Variants in ERFE observed in about 807,000 individuals in gnomAD.
ERFE encodes complement C1q tumor necrosis factor-related protein 15.
In ERFE, 25 loss-of-function variants were observed where a neutral mutation model predicts 26.6. That is an observed-to-expected ratio of 0.94 (90% CI 0.69 to 1.31). The LOEUF (loss-of-function observed/expected upper bound fraction) is 1.31. ERFE is among the 40% of genes most tolerant of loss of function. The probability of loss-of-function intolerance (pLI) is 0.00; values close to 1 mark genes in which losing one functional copy is unlikely to be tolerated. For missense variants in ERFE, 447 were observed against 440.2 expected (o/e 1.02, Z -0.14); for synonymous variants, 206 against 204.5 (o/e 1.01, Z -0.06).
Position 238,167,428 on chromosome 2 carries a change from T to G in ERFE, c.*374T>G. On this transcript the variant is annotated 3_prime_UTR_variant, in exon 8 of 8. Coordinates refer to ENST00000546354, the MANE Select transcript of ERFE (RefSeq NM_001291832.2). ...CCAGCCCCACCTTTTCCACCTCTCT[T>G]CATGTTCTCATGGAGTGCAAAGTGC... 1 of 509,738 alleles carries G rather than the reference T, an allele frequency of 2.0e-6. No homozygotes were observed. The highest frequency in any genetic ancestry group is 1.5e-5 in the South Asian group (1 of 65,064). The allele number at this position is 509,738 out of a possible 1,614,324, so 31.6% of individuals were successfully genotyped here. A position where few individuals can be genotyped will look rare whatever the true frequency, so the allele number is the denominator to read the frequency against.
chr2:238,164,469 T>C, intron 6 of ERFE, 109 bp downstream of exon 6: 2 of 1,100,768 alleles, frequency 1.8e-6, no homozygotes, highest in Non-Finnish European at 1.3e-6. Context: ...CACCCCACCG[T>C]GGCCTAGGTG....
At chr2:238,161,753 G>A in intron 2 of ERFE, 37 bp downstream of exon 2, 3 of 1,514,860 alleles carry the variant, frequency 2.0e-6, no homozygotes, top group East Asian at 2.5e-5. Context: ...GGCCGTGGGG[G>A]GTTCCGCCTC....
Position 238,161,637 on chromosome 2 carries a change from C to A in ERFE, c.242C>A (p.Ala81Asp). The A allele has an allele frequency of 6.5e-7, 1 of 1,547,234 alleles. No homozygotes were observed. The highest frequency in any genetic ancestry group is 8.7e-7 in the Non-Finnish European group (1 of 1,144,286). ...GCACACAGCGTCGACCCCCGGGACGCCTGGATGCTCTTCGTCAGGCAGAGT... is the reference window on the plus strand; with the variant it reads ...GCACACAGCGTCGACCCCCGGGACGACTGGATGCTCTTCGTCAGGCAGAGT... Reference protein sequence around the residue: ...ERAHSVDPRDAWMLFVRQSDK... With the variant: ...ERAHSVDPRDDWMLFVRQSDK... The change falls in exon 2 of 8, where the codon GCC (alanine) becomes GAC (aspartate). Residue 81 changes from alanine (A) to aspartate (D), a missense_variant. Coordinates refer to ENST00000546354, the MANE Select transcript of ERFE (RefSeq NM_001291832.2).
rs1490167925 is a variant in ERFE at position 238,168,088 on chromosome 2, G to A, written c.*1034G>A. On this transcript the variant is annotated 3_prime_UTR_variant, in exon 8 of 8. Coordinates refer to ENST00000546354, the MANE Select transcript of ERFE (RefSeq NM_001291832.2). ...CATGCGGCGCTGACATTGGACAGGT[G>A]GTGGACGAGAGATGGTCCCGAGAAA... 1.4e-5 allele frequency: 3 copies of A among 220,764 alleles called. No individual in the cohort carries two copies. Among genetic ancestry groups the A allele is most frequent in the East Asian group, 1.2e-4 (1 of 8,206 alleles). The allele number at this position is 220,764 out of a possible 1,614,324, so 13.7% of individuals were successfully genotyped here.
chr2:238,163,848 A>G lies in ERFE; in HGVS notation c.536A>G (p.Asp179Gly). ...PVSATAGEDD[D>G]DVVGDVLALL... ...TCGGCCACCGCCGGGGAGGACGACG[A>G]CGACGTGGTGGGGGACGTGCTGGCA... Residue 179 changes from aspartate to glycine, a missense_variant, in exon 4 of 8, where the codon GAC (aspartate) becomes GGC (glycine). Physicochemically the swap from Asp to Gly is moderately conservative, Grantham distance 94 (BLOSUM62 -1). Coordinates refer to ENST00000546354, the MANE Select transcript of ERFE (RefSeq NM_001291832.2). 7.6e-7 allele frequency: 1 copy of G among 1,319,822 alleles called. No homozygotes were observed. The highest frequency in any genetic ancestry group is 9.6e-7 in the Non-Finnish European group (1 of 1,042,024). 81.8% of individuals were successfully genotyped at this position (1,319,822 alleles called of 1,614,324 possible).
At chr2:238,161,006 G>A (rs1378042945) in intron 1 of ERFE, among the ~76,000 whole-genome samples, 1 of 152,254 alleles carries the variant, frequency 6.6e-6, no homozygotes, top group Non-Finnish European at 1.5e-5. Flanking sequence ...CTGAGGAAAT[G>A]AAAGTCTCAC....
chr2:238,166,931 TGCCTCA>T lies in ERFE; in HGVS notation c.967-24_967-19del, dbSNP rs1574770475. 12 of 1,546,270 alleles carry T rather than the reference TGCCTCA, an allele frequency of 7.8e-6. No homozygotes were observed. The highest frequency in any genetic ancestry group is 1.0e-5 in the Non-Finnish European group (12 of 1,143,624). On this transcript the variant is annotated intron_variant, in intron 7 of 7. Coordinates refer to ENST00000546354, the MANE Select transcript of ERFE (RefSeq NM_001291832.2). Reference sequence around the variant, plus strand: ...TCTGCAGGCTGTTGGGGTGGCCCAGTGCCTCAAAGGCACCCTCCTTGCAGATGGGGC... The same window carrying T: ...TCTGCAGGCTGTTGGGGTGGCCCAGTAAGGCACCCTCCTTGCAGATGGGGC...
intron 6 of ERFE, among the ~76,000 whole-genome samples, chr2:238,165,037 C>G (rs1693013029): frequency 6.6e-6 from 1 of 152,168 alleles, no homozygotes; most frequent in African/African-American, 2.4e-5. Context: ...AGACAGCTTT[C>G]TGGAGGCCCC....
intron 6 of ERFE, 143 bp from the exon 7 acceptor site, chr2:238,165,463 T>G: frequency 1.5e-6 from 1 of 666,104 alleles, no homozygotes; most frequent in African/African-American, 1.8e-5. Context: ...GGGACTCGGT[T>G]CAGACACCAC....
At position 238,164,167 on chromosome 2, in the gene ERFE, C is replaced by T. The variant is rs1397638663; in HGVS notation, c.780C>T (p.Ala260=). The change falls in exon 5 of 8, where the codon GCC becomes GCT. Residue 260 remains alanine, a synonymous_variant. Transcript: ENST00000546354. ...RAPVAGFYAL[A]ATLHVALGEP... ...CCGTGGCTGGCTTCTACGCTCTCGC[C>T]GCCACGCTGCACGTGGGTGAGGCCC... The T allele has an allele frequency of 2.1e-6, 3 of 1,445,716 alleles. No individual in the cohort carries two copies. The African/African-American group carries it at 4.5e-5, about 22-fold the overall frequency. The allele number at this position is 1,445,716 out of a possible 1,614,324, so 89.6% of individuals were successfully genotyped here.
chr2:238,168,268 C>T lies in ERFE; in HGVS notation c.*1214C>T. Reference sequence around the variant, plus strand: ...CCCACATTTTCCCCAAAGTACAGGACTGTCCCAGAGTAGGTAGTGAAGAGG... The same window carrying T: ...CCCACATTTTCCCCAAAGTACAGGATTGTCCCAGAGTAGGTAGTGAAGAGG... On this transcript the variant is annotated 3_prime_UTR_variant, in exon 8 of 8. Transcript: ENST00000546354. 1 of 393,056 alleles carries T rather than the reference C, an allele frequency of 2.5e-6. No individual in the cohort carries two copies. The highest frequency in any genetic ancestry group is 5.2e-6 in the Non-Finnish European group (1 of 192,456). 24.3% of individuals were successfully genotyped at this position (393,056 alleles called of 1,614,324 possible). A position where few individuals can be genotyped will look rare whatever the true frequency, so the allele number is the denominator to read the frequency against.
In ERFE at chr2:238,162,752, C is replaced by G. The variant is rs1296350322; in HGVS notation, c.338C>G (p.Pro113Arg). The change falls in exon 3 of 8, where the codon CCC becomes CGC. Residue 113 changes from proline to arginine, a missense_variant. Transcript: ENST00000546354. ...CCCTTTCAGTTCGGCTTGCCAGGGC[C>G]CCCTGGGCCTCCCGGTCCCCAGGGC... ...AKKLKFGLPGPPGPPGPQGPP... is the reference protein window; with the variant it reads ...AKKLKFGLPGRPGPPGPQGPP... 1.6e-5 allele frequency: 25 copies of G among 1,548,684 alleles called. No homozygotes were observed. The highest frequency in any genetic ancestry group is 1.2e-4 in the African/African-American group (9 of 73,028).
rs1261699022 is a variant in ERFE, at chr2:238,167,761, G to T, written c.*707G>T. 1.4e-5 allele frequency: 4 copies of T among 278,996 alleles called. No homozygotes were observed. Among genetic ancestry groups the T allele is most frequent in the Non-Finnish European group, 2.8e-5 (4 of 140,860 alleles). The allele number at this position is 278,996 out of a possible 1,614,324, so 17.3% of individuals were successfully genotyped here. A position where few individuals can be genotyped will look rare whatever the true frequency, so the allele number is the denominator to read the frequency against. ...TTAACTCACAAATTCACCTCAGAAG[G>T]CCTTTCCAAATGGGAGCTCCACTCT... is the stretch of plus-strand genomic sequence containing the variant. On this transcript the variant is annotated 3_prime_UTR_variant, in exon 8 of 8. Coordinates refer to ENST00000546354, the MANE Select transcript of ERFE (RefSeq NM_001291832.2).
rs1192757668 is a variant in ERFE, at chr2:238,167,505, G to T, written c.*451G>T. ...GGGTCAGCTGACGCAGGGCTGAGGG[G>T]GCTGCCACAGGGACGTACGCTGTGT... On this transcript the variant is annotated 3_prime_UTR_variant, in exon 8 of 8. Coordinates refer to ENST00000546354, the MANE Select transcript of ERFE (RefSeq NM_001291832.2). The T allele has an allele frequency of 2.2e-6, 1 of 462,330 alleles. No homozygotes were observed. The highest frequency in any genetic ancestry group is 1.6e-5 in the South Asian group (1 of 64,478). The allele number at this position is 462,330 out of a possible 1,614,324, so 28.6% of individuals were successfully genotyped here. A position where few individuals can be genotyped will look rare whatever the true frequency, so the allele number is the denominator to read the frequency against.
At position 238,163,960 on chromosome 2, in the gene ERFE, G is replaced by T. The variant is rs1356174099; in HGVS notation, c.648G>T (p.Val216=). The T allele has an allele frequency of 5.1e-5, 71 of 1,381,612 alleles. No individual in the cohort carries two copies. The highest frequency in any genetic ancestry group is 4.1e-5 in the Non-Finnish European group (44 of 1,074,374). 85.6% of individuals were successfully genotyped at this position (1,381,612 alleles called of 1,614,324 possible). The stretch of plus-strand genomic sequence containing the variant: ...GCCGCCTGCGCCGGGACGCGTTGGT[G>T]GAGCGGCGCGCGCTGCACGAGCTTG... The part of the protein sequence containing the change: ...FLCRLRRDAL[V]ERRALHELGV... Residue 216 remains valine, a synonymous_variant, in exon 4 of 8, where the codon GTG becomes GTT. Coordinates refer to ENST00000546354, the MANE Select transcript of ERFE (RefSeq NM_001291832.2).
chr2:238,163,908 C>A lies in ERFE; in HGVS notation c.596C>A (p.Ala199Glu). The A allele has an allele frequency of 8.3e-6, 11 of 1,322,636 alleles. No individual in the cohort carries two copies. The highest frequency in any genetic ancestry group is 1.5e-5 in the African/African-American group (1 of 64,666). The allele number at this position is 1,322,636 out of a possible 1,614,324, so 81.9% of individuals were successfully genotyped here. A position where few individuals can be genotyped will look rare whatever the true frequency, so the allele number is the denominator to read the frequency against. Residue 199 changes from alanine to glutamate, a missense_variant, in exon 4 of 8, where the codon GCG becomes GAG. Transcript: ENST00000546354. ...LAAPLAPGPR[A>E]PRVEAAFLCR... Reference sequence around the variant, plus strand: ...GCGCCCCTGGCCCCGGGGCCGCGGGCGCCGCGCGTGGAGGCCGCTTTCCTC... The same window carrying A: ...GCGCCCCTGGCCCCGGGGCCGCGGGAGCCGCGCGTGGAGGCCGCTTTCCTC...
Position 238,166,925 on chromosome 2 carries a change from G to A in ERFE, c.967-31G>A, listed in dbSNP as rs972411243. 11 of 1,534,610 alleles carry A rather than the reference G, an allele frequency of 7.2e-6. No homozygotes were observed. The African/African-American group carries it at 1.2e-4, about 17-fold the overall frequency. On this transcript the variant is annotated intron_variant, in intron 7 of 7. Coordinates refer to ENST00000546354, the MANE Select transcript of ERFE (RefSeq NM_001291832.2). ...GTCACCTCTGCAGGCTGTTGGGGTG[G>A]CCCAGTGCCTCAAAGGCACCCTCCT... is the stretch of plus-strand genomic sequence containing the variant.
intron 6 of ERFE, chr2:238,164,830 A>G (rs541394820): frequency 2.5e-3 from 422 of 165,678 alleles, no homozygotes; most frequent in Non-Finnish European, 4.2e-3. Context: ...CAGCCTGGGC[A>G]ACAGAGCGAG....
At chr2:238,164,020 G>A in intron 4 of ERFE, 21 bp downstream of exon 4, 2 of 1,374,986 alleles carry the variant, frequency 1.5e-6, no homozygotes, top group South Asian at 1.7e-5. Context: ...GCGCGCGGGA[G>A]GGCGGGTGAG....
Sources: allele counts gnomAD v4.1 joint callset (sites outside exome capture counted in the v4.1 genomes callset), GRCh38; gene constraint gnomAD v4.1.1; transcripts MANE v1.5; gene names NCBI Gene and HGNC (gene_info 2026-07-23, HGNC 2026-07-21).